LYPLAL1: variants seen among roughly 807,000 people sequenced by gnomAD.
LYPLAL1 encodes the protein lysophospholipase-like protein 1.
Under a neutral mutation model 19.7 loss-of-function variants are expected in LYPLAL1, and 23 were observed. The ratio of observed to expected loss-of-function variants is 1.17; its 90% CI spans 0.84 to 1.65. LYPLAL1 has a LOEUF of 1.65. Among genes scored for constraint, LYPLAL1 ranks in the 40% most tolerant of loss-of-function variants. The pLI is 0.00. For synonymous variants in LYPLAL1, 119 were observed against 96.3 expected (o/e 1.24, Z -1.38); for missense variants, 355 against 279.4 (o/e 1.27, Z -1.93).
the LYPLAL1 span, among the ~76,000 whole-genome samples, chr1:219,313,529 C>A: frequency 3.4e-5 from 5 of 146,748 alleles, no homozygotes; most frequent in Admixed American, 6.8e-5. Context: ...TTTAAAAAAA[C>A]TTTTTTTTTT....
intron 2 of LYPLAL1, among the ~76,000 whole-genome samples, chr1:219,192,824 C>T (rs993470018): frequency 6.6e-6 from 1 of 151,590 alleles, no homozygotes; most frequent in African/African-American, 2.4e-5. Context: ...GGTACTGTAA[C>T]TGTTCTCCCT....
At chr1:219,431,892 TC>T in the LYPLAL1 span, among the ~76,000 whole-genome samples, 1 of 152,196 alleles carries the variant, frequency 6.6e-6, no homozygotes, top group African/African-American at 2.4e-5. Context: ...ACCCTCCTTT[TC>T]CCAAACTATA....
At chr1:219,319,708 G>A in the LYPLAL1 span, among the ~76,000 whole-genome samples, 1 of 152,266 alleles carries the variant, frequency 6.6e-6, no homozygotes, top group African/African-American at 2.4e-5. Flanking sequence ...TAACAAGCAG[G>A]ACTGTTCAAC....
chr1:219,225,971 C>T, the LYPLAL1 span, among the ~76,000 whole-genome samples: 1 of 152,166 alleles, frequency 6.6e-6, no homozygotes, highest in African/African-American at 2.4e-5. Context: ...ATGCTCTTTC[C>T]TTCTCCCTCA....
chr1:219,433,498 A>G, the LYPLAL1 span, among the ~76,000 whole-genome samples: 1 of 152,230 alleles, frequency 6.6e-6, no homozygotes, highest in Admixed American at 6.5e-5. Context: ...CTTCCAGAAA[A>G]TCATACTGTG....
At chr1:219,418,180 G>A in the LYPLAL1 span, among the ~76,000 whole-genome samples, 1 of 152,096 alleles carries the variant, frequency 6.6e-6, no homozygotes, top group African/African-American at 2.4e-5. Flanking sequence ...CTCGAAAAAA[G>A]TTATCCTGCC....
the LYPLAL1 span, among the ~76,000 whole-genome samples, chr1:219,241,178 T>TTC: frequency 4.0e-5 from 5 of 126,152 alleles, no homozygotes; most frequent in African/African-American, 1.5e-4. Flanking sequence ...TTCATGATAT[T>TTC]TCCACTGTTG....
the LYPLAL1 span, among the ~76,000 whole-genome samples, chr1:219,293,497 C>T: frequency 6.6e-6 from 1 of 152,022 alleles, no homozygotes; most frequent in South Asian, 2.1e-4. Context: ...GCAATCATAT[C>T]ACTGGAGACA....
chr1:219,224,521 A>G, the LYPLAL1 span, among the ~76,000 whole-genome samples: 1 of 152,174 alleles, frequency 6.6e-6, no homozygotes, highest in Non-Finnish European at 1.5e-5. Context: ...ACAGAGATCC[A>G]AAGAACAGCG....
At chr1:219,401,030 G>A in the LYPLAL1 span, among the ~76,000 whole-genome samples, 1 of 152,076 alleles carries the variant, frequency 6.6e-6, no homozygotes, top group Non-Finnish European at 1.5e-5. Flanking sequence ...GAAGAGATTA[G>A]AAGTTTTATT....
the LYPLAL1 span, among the ~76,000 whole-genome samples, chr1:219,438,651 A>G: frequency 2.6e-5 from 4 of 152,182 alleles, no homozygotes; most frequent in African/African-American, 9.6e-5. Flanking sequence ...TTTGCATTTA[A>G]ATGTTTTATT....
chr1:219,341,444 C>G, the LYPLAL1 span, among the ~76,000 whole-genome samples: 3 of 152,076 alleles, frequency 2.0e-5, no homozygotes, highest in Non-Finnish European at 2.9e-5. Context: ...AGCAACATGG[C>G]TCTCCTTTCA....
intron 4 of LYPLAL1, 120 bp from the exon 5 acceptor site, chr1:219,211,372 T>G: frequency 1.4e-6 from 1 of 721,548 alleles, no homozygotes; most frequent in Non-Finnish European, 2.3e-6. Context: ...CTCTGCCTTT[T>G]TTTTCCCATT....
intron 1 of LYPLAL1, among the ~76,000 whole-genome samples, chr1:219,178,071 A>G (rs961167473): frequency 1.3e-5 from 2 of 152,194 alleles, no homozygotes; most frequent in Non-Finnish European, 2.9e-5. Flanking sequence ...TTCAGCAACT[A>G]TATTTGGATA....
the LYPLAL1 span, among the ~76,000 whole-genome samples, chr1:219,248,290 G>T: frequency 1.3e-5 from 2 of 152,134 alleles, no homozygotes; most frequent in African/African-American, 4.8e-5. Flanking sequence ...GACACTCTTG[G>T]TGATGAGGTT....
chr1:219,438,283 G>C, the LYPLAL1 span, among the ~76,000 whole-genome samples: 4 of 152,198 alleles, frequency 2.6e-5, no homozygotes. Flanking sequence ...CCCATGCCTA[G>C]AGTTAGGTAT....
the LYPLAL1 span, among the ~76,000 whole-genome samples, chr1:219,277,975 A>G: frequency 8.5e-5 from 13 of 152,348 alleles, no homozygotes; most frequent in Non-Finnish European, 1.6e-4. Flanking sequence ...ATACAGAAAG[A>G]TGGCAAACGT....
chr1:219,220,329 G>C, the LYPLAL1 span, among the ~76,000 whole-genome samples: 2 of 151,956 alleles, frequency 1.3e-5, no homozygotes, highest in Non-Finnish European at 2.9e-5. Flanking sequence ...CTGTTAACCA[G>C]AATTAAGTTT....
chr1:219,435,364 G>A, the LYPLAL1 span: 7 of 152,120 alleles, frequency 4.6e-5, no homozygotes, highest in Non-Finnish European at 5.9e-5. Context: ...GTGGCTTTTT[G>A]AGATATTTTT....
Sources: allele counts gnomAD v4.1 joint callset (sites outside exome capture counted in the v4.1 genomes callset), GRCh38; gene constraint gnomAD v4.1.1; transcripts MANE v1.5; gene names NCBI Gene and HGNC (gene_info 2026-07-23, HGNC 2026-07-21).